ZC3H12C: variants seen among roughly 807,000 people sequenced by gnomAD.
ZC3H12C encodes the protein zinc finger CCCH-type containing 12C.
ZC3H12C carries 20 observed loss-of-function variants against 76.3 expected under a neutral mutation model. The ratio of observed to expected loss-of-function variants is 0.26; its 90% CI spans 0.18 to 0.38. ZC3H12C has a LOEUF of 0.38. ZC3H12C is among the 10% of genes least tolerant of loss of function. ZC3H12C has a pLI of 1.00. For synonymous variants in ZC3H12C, 352 were observed against 399.6 expected (o/e 0.88, Z 1.42); for missense variants, 874 against 1,086.5 (o/e 0.80, Z 2.75).
chr11:110,095,608 G>T (rs1339919121), intron 1 of ZC3H12C, among the ~76,000 whole-genome samples: 1 of 152,214 alleles, frequency 6.6e-6, no homozygotes, highest in Non-Finnish European at 1.5e-5. Context: ...TCTAGCTGCT[G>T]TGTAAGGCCC....
At chr11:110,116,286 C>T (rs1040292322) in intron 1 of ZC3H12C, among the ~76,000 whole-genome samples, 4 of 150,852 alleles carry the variant, frequency 2.7e-5, no homozygotes, top group African/African-American at 9.8e-5. Context: ...TTAATCCCAG[C>T]ACTTTAATCT....
intron 1 of ZC3H12C, 42 bp from the exon 2 acceptor site, chr11:110,136,621 G>C (rs1238365852): frequency 1.3e-6 from 2 of 1,574,000 alleles, no homozygotes; most frequent in Non-Finnish European, 1.7e-6. Context: ...CAGAAATCTA[G>C]CCATAACTAT....
chr11:110,163,316 C>A lies in ZC3H12C; in HGVS notation c.1192C>A (p.Leu398Met). 1 of 1,613,250 alleles carries A rather than the reference C, an allele frequency of 6.2e-7. No individual in the cohort carries two copies. The highest frequency in any genetic ancestry group is 8.5e-7 in the Non-Finnish European group (1 of 1,179,650). ...CCCTCTTGGCAGACATGGCCCCAGT[C>A]TGGATAATTTTCTGAGGAAGAAACC... ...DDPLGRHGPS[L>M]DNFLRKKPIV... The change falls in exon 5 of 6, where the codon CTG becomes ATG. Residue 398 changes from leucine (L) to methionine (M), a missense_variant. Around this residue, in one of 3 missense-constraint regions of ZC3H12C, gnomAD observed 269 missense variants for 424.9 expected, o/e 0.63. Transcript: ENST00000278590.
In ZC3H12C at chr11:110,137,250, A is replaced by G. The variant is rs1488890396; in HGVS notation, c.609A>G (p.Gly203=). The G allele has an allele frequency of 2.5e-6, 4 of 1,613,842 alleles. No individual in the cohort carries two copies. In the Admixed American group the frequency reaches 6.7e-5, roughly 27 times the overall value. ...TTTTGGGAGAACTTGTCAAACTTGG[A>G]AATAAAAGTGAGGCTGATCAAACGG... ...NDILGELVKL[G]NKSEADQTVS... The change falls in exon 2 of 6, where the codon GGA becomes GGG. Residue 203 remains glycine, a synonymous_variant. Coordinates refer to ENST00000278590, the MANE Select transcript of ZC3H12C (RefSeq NM_033390.2).
At chr11:110,136,219 T>G (rs1292704421) in intron 1 of ZC3H12C, 3 of 153,566 alleles carry the variant, frequency 2.0e-5, no homozygotes, top group Non-Finnish European at 4.3e-5. Flanking sequence ...TTATAGATAC[T>G]TATGAATTCT....
At chr11:110,157,691 C>T (rs888119948) in intron 3 of ZC3H12C, among the ~76,000 whole-genome samples, 1 of 152,164 alleles carries the variant, frequency 6.6e-6, no homozygotes, top group Non-Finnish European at 1.5e-5. Context: ...CTGCCTCAGC[C>T]TCCCAAATGT....
intron 2 of ZC3H12C, among the ~76,000 whole-genome samples, chr11:110,149,368 G>T (rs539244146): frequency 1.3e-5 from 2 of 152,326 alleles, no homozygotes; most frequent in Admixed American, 1.3e-4. Flanking sequence ...AAAGGCAGTT[G>T]CCAATTGTAT....
intron 4 of ZC3H12C, among the ~76,000 whole-genome samples, chr11:110,162,583 A>C (rs1393357993): frequency 6.6e-6 from 1 of 152,208 alleles, no homozygotes; most frequent in Non-Finnish European, 1.5e-5. Flanking sequence ...AGTCCATCCA[A>C]AATAGTAGGT....
At chr11:110,093,483 C>T in intron 1 of ZC3H12C, 51 bp downstream of exon 1, 1 of 1,179,208 alleles carries the variant, frequency 8.5e-7, no homozygotes, top group South Asian at 4.2e-5. Context: ...GAGAGTGGTC[C>T]TGGGGTAGCC....
intron 1 of ZC3H12C, among the ~76,000 whole-genome samples, chr11:110,113,083 A>C (rs1411863623): frequency 6.6e-6 from 1 of 152,014 alleles, no homozygotes; most frequent in Non-Finnish European, 1.5e-5. Flanking sequence ...ATCCTTCTAT[A>C]TCTTATTCTT....
At chr11:110,150,524 G>A (rs1199707831) in intron 2 of ZC3H12C, among the ~76,000 whole-genome samples, 1 of 152,064 alleles carries the variant, frequency 6.6e-6, no homozygotes, top group African/African-American at 2.4e-5. Flanking sequence ...ACATATTGTG[G>A]TGAAAGAGTG....
chr11:110,107,613 C>T (rs934311127), intron 1 of ZC3H12C, among the ~76,000 whole-genome samples: 12 of 151,994 alleles, frequency 7.9e-5, no homozygotes, highest in Non-Finnish European at 1.5e-4. Flanking sequence ...GCAACCTCCA[C>T]CTCCCGGGTT....
At chr11:110,128,889 C>CAAA (rs145436449) in intron 1 of ZC3H12C, among the ~76,000 whole-genome samples, 82 of 93,958 alleles carry the variant, frequency 8.7e-4, no homozygotes, top group African/African-American at 1.7e-3. Context: ...CCACCACTAA[C>CAAA]AAAAAAAAAA....
chr11:110,157,118 G>A (rs1243079059), intron 3 of ZC3H12C, among the ~76,000 whole-genome samples: 2 of 151,370 alleles, frequency 1.3e-5, no homozygotes, highest in East Asian at 2.0e-4. Context: ...GGTGGAGGTT[G>A]CAGTGAGCTG....
rs549841808 is a variant in ZC3H12C, at chr11:110,164,123, G to A, written c.1256-218G>A. ...CAAAAAAAAAAAAAAAGTTCTGGAG[G>A]TGATTATTACTCATTCGGCCAACTT... On this transcript the variant is annotated intron_variant, in intron 5 of 5. Coordinates refer to ENST00000278590, the MANE Select transcript of ZC3H12C (RefSeq NM_033390.2). This position sits in a 1 kb window ranked among gnomAD's most constrained non-coding sequence, Gnocchi z 5.7. Among the ~76,000 whole-genome samples, 303 of 151,734 alleles carry A rather than the reference G, an allele frequency of 2.0e-3. 1 individual carries two copies. The highest frequency in any genetic ancestry group is 3.3e-3 in the Non-Finnish European group (221 of 67,912).
At chr11:110,118,825 C>T (rs1262832458) in intron 1 of ZC3H12C, among the ~76,000 whole-genome samples, 1 of 151,822 alleles carries the variant, frequency 6.6e-6, no homozygotes, top group African/African-American at 2.4e-5. Context: ...ATAAAATAAA[C>T]GTTTAAGAAA....
intron 3 of ZC3H12C, among the ~76,000 whole-genome samples, chr11:110,158,640 A>G (rs1862422112): frequency 6.6e-6 from 1 of 152,156 alleles, no homozygotes; most frequent in South Asian, 2.1e-4. Flanking sequence ...GAATGCTGGC[A>G]TTTGTCACCA....
chr11:110,142,857 A>T (rs1220768491), intron 2 of ZC3H12C, among the ~76,000 whole-genome samples: 2 of 152,182 alleles, frequency 1.3e-5, no homozygotes, highest in Non-Finnish European at 2.9e-5. Context: ...CCCACTTAAA[A>T]ATTCCCTTCT....
At chr11:110,158,511 GA>G (rs111478426) in intron 3 of ZC3H12C, among the ~76,000 whole-genome samples, 3,571 of 143,416 alleles carry the variant, frequency 0.025, 140 homozygotes, top group African/African-American at 0.084. Context: ...CTCAGTCACA[GA>G]AAAAAAAAAA....
Sources: gnomAD v4.1 joint callset for allele counts (sites outside exome capture counted in the v4.1 genomes callset) on GRCh38, gnomAD v4.1.1 for gene constraint, gnomAD v4.1.1 regional missense constraint, Gnocchi (gnomAD v3.1) non-coding constraint, MANE v1.5 for transcripts, NCBI Gene and HGNC (gene_info 2026-07-23, HGNC 2026-07-21) for gene names.